Variants in CACNA1B observed in about 807,000 individuals in gnomAD.
CACNA1B encodes voltage-dependent N-type calcium channel subunit alpha-1B.
CACNA1B carries 70 observed loss-of-function variants against 247.2 expected under a neutral mutation model. That is an observed-to-expected ratio of 0.28 (90% CI 0.23 to 0.35). The LOEUF is 0.35. Among genes scored for constraint, CACNA1B ranks in the 10% least tolerant of loss-of-function variants. The pLI is 1.00. For synonymous variants in CACNA1B, 1,231 were observed against 1,294.4 expected (o/e 0.95, Z 1.05); for missense variants, 2,367 against 3,197.4 (o/e 0.74, Z 6.26).
At chr9:138,070,803 A>G (rs10115174) in intron 32 of CACNA1B, among the ~76,000 whole-genome samples, 59,425 of 152,112 alleles carry the variant, frequency 0.39, 16,521 homozygotes, top group African/African-American at 0.77. Flanking sequence ...ACACATCCAC[A>G]CCTGACATGT....
intron 40 of CACNA1B, 29 bp downstream of exon 40, chr9:138,112,534 GC>G: frequency 7.1e-7 from 1 of 1,414,732 alleles, no homozygotes; most frequent in Non-Finnish European, 1.0e-6. Flanking sequence ...AATGCCCCCA[GC>G]CCCCACCTTT....
At chr9:137,879,331 C>G (rs923272900) in intron 2 of CACNA1B, among the ~76,000 whole-genome samples, 172 bp downstream of exon 2, 1 of 152,274 alleles carries the variant, frequency 6.6e-6, no homozygotes. Flanking sequence ...AGGGCCAGGG[C>G]AGCTGGGGTC....
intron 12 of CACNA1B, among the ~76,000 whole-genome samples, chr9:137,982,710 T>C (rs1402582786): frequency 6.6e-6 from 1 of 152,210 alleles, no homozygotes; most frequent in Admixed American, 6.5e-5. Flanking sequence ...AACATCTGGA[T>C]GATTTGCTAG....
chr9:137,923,488 T>C (rs898652554), intron 6 of CACNA1B, among the ~76,000 whole-genome samples: 2 of 151,726 alleles, frequency 1.3e-5, no homozygotes, highest in African/African-American at 2.4e-5. Context: ...TGGTGCCAGG[T>C]GGTATTCCCT....
intron 3 of CACNA1B, among the ~76,000 whole-genome samples, chr9:137,884,387 TG>T (rs1328303396): frequency 1.4e-5 from 2 of 142,340 alleles, no homozygotes; most frequent in African/African-American, 5.3e-5. Context: ...GAAGGCCCTG[TG>T]GGGGTCTGTG....
At chr9:138,113,010 G>A (rs35388951) in intron 40 of CACNA1B, among the ~76,000 whole-genome samples, 2,197 of 144,668 alleles carry the variant, frequency 0.015, 20 homozygotes, top group Middle Eastern at 0.037. Flanking sequence ...GTGAGGGAGC[G>A]CAGAGAGGTG....
intron 6 of CACNA1B, among the ~76,000 whole-genome samples, chr9:137,944,975 C>T (rs368891877): frequency 6.6e-5 from 10 of 152,108 alleles, no homozygotes; most frequent in African/African-American, 2.4e-4. Flanking sequence ...TAAGACCTTC[C>T]TTTTCAGGGC....
intron 18 of CACNA1B, among the ~76,000 whole-genome samples, chr9:138,013,861 G>C (rs952545406): frequency 6.6e-6 from 1 of 152,236 alleles, no homozygotes; most frequent in South Asian, 2.1e-4. Context: ...AGGAAAGTCT[G>C]GCCCATGGCC....
chr9:137,878,993 TGGCGTCGGCCTCGTGTTTCCCTCCGTGC>T, intron 1 of CACNA1B, 33 bp from the exon 2 acceptor site: 2 of 1,083,400 alleles, frequency 1.8e-6, no homozygotes, highest in Non-Finnish European at 2.7e-6. Context: ...TGGGCTCTGC[TGGCGTCGGCCTCGTGTTTCCCTCCGTGC>T]GGCGTCTGCC....
chr9:138,043,986 G>GA lies in CACNA1B; in HGVS notation c.3413+87dup, dbSNP rs3833709. 66,713 of 1,501,332 alleles carry GA rather than the reference G, an allele frequency of 0.044. 11,510 individuals carry two copies. In the African/African-American group the frequency reaches 0.51, roughly 12 times the overall value. 93.0% of individuals were successfully genotyped at this position (1,501,332 alleles called of 1,614,324 possible). ...GGGATCTCAGTAGCCAGCGTGCACT[G>GA]ATTCTGCGCACTTATGTAGAGAAAC... On this transcript the variant is annotated intron_variant, in intron 21 of 46. Coordinates refer to ENST00000371372, the MANE Select transcript of CACNA1B (RefSeq NM_000718.4).
intron 3 of CACNA1B, among the ~76,000 whole-genome samples, chr9:137,904,314 A>C (rs1957272349): frequency 6.8e-6 from 1 of 146,698 alleles, no homozygotes; most frequent in Admixed American, 6.8e-5. Context: ...TTCTTTCAAA[A>C]TATGTATATA....
intron 41 of CACNA1B, 45 bp from the exon 42 acceptor site, chr9:138,115,507 G>T (rs751996398): frequency 6.3e-7 from 1 of 1,594,060 alleles, no homozygotes; most frequent in Non-Finnish European, 8.6e-7. Flanking sequence ...AGGCCACATT[G>T]CAGGCCCATT....
chr9:137,953,955 A>G (rs987897384), intron 7 of CACNA1B, among the ~76,000 whole-genome samples: 3 of 152,048 alleles, frequency 2.0e-5, no homozygotes, highest in African/African-American at 7.2e-5. Context: ...GTTCAAGGGG[A>G]GGCAGGAGAG....
At chr9:138,106,007 A>G (rs1175643763) in intron 39 of CACNA1B, among the ~76,000 whole-genome samples, 200 bp downstream of exon 39, 3 of 152,194 alleles carry the variant, frequency 2.0e-5, no homozygotes, top group African/African-American at 7.2e-5. Flanking sequence ...TAGCACTGCA[A>G]TGATCCCATT....
Position 138,049,565 on chromosome 9 carries a change from G to A in CACNA1B, c.3710+250G>A, listed in dbSNP as rs377081531. On this transcript the variant is annotated intron_variant, in intron 24 of 46. Transcript: ENST00000371372. ...GGCCTGTGGCCCTGGGACCATCCCC[G>A]CCTGCCTGGAGGGGTGGGTGCTATG... Among the ~76,000 whole-genome samples, 78 of 152,278 alleles carry A rather than the reference G, an allele frequency of 5.1e-4. 1 individual carries two copies. In the South Asian group the frequency reaches 0.015, roughly 30 times the overall value.
At chr9:138,055,789 G>A (rs1959473227) in intron 26 of CACNA1B, among the ~76,000 whole-genome samples, 1 of 152,190 alleles carries the variant, frequency 6.6e-6, no homozygotes, top group Non-Finnish European at 1.5e-5. Context: ...CACTTTGGGA[G>A]GCTGAGGTGG....
chr9:137,890,168 C>T (rs1235096673), intron 3 of CACNA1B: 3 of 150,238 alleles, frequency 2.0e-5, no homozygotes, highest in South Asian at 2.1e-4. Context: ...GGGGCTGGCT[C>T]ACTGGATGGG....
At chr9:138,103,039 A>C (rs1371709651) in intron 38 of CACNA1B, among the ~76,000 whole-genome samples, 2 of 151,676 alleles carry the variant, frequency 1.3e-5, no homozygotes, top group African/African-American at 4.8e-5. Flanking sequence ...TGTCCCCACA[A>C]CCTGAGCTGC....
At chr9:138,112,552 C>T (rs1961678084) in intron 40 of CACNA1B, 47 bp downstream of exon 40, 3 of 1,279,322 alleles carry the variant, frequency 2.3e-6, no homozygotes, top group Non-Finnish European at 3.4e-6. Context: ...CTTTACTGTC[C>T]CACCCAGAGT....
Sources: gnomAD v4.1 joint callset for allele counts (sites outside exome capture counted in the v4.1 genomes callset) on GRCh38, gnomAD v4.1.1 for gene constraint, MANE v1.5 for transcripts, NCBI Gene and HGNC (gene_info 2026-07-23, HGNC 2026-07-21) for gene names.